The following TEX48 variants were observed in gnomAD, a reference collection of about 807,000 sequenced individuals.
The protein encoded by TEX48 is testis expressed 48, also known as testis-expressed protein 48.
A neutral mutation model predicts 13.2 loss-of-function variants in TEX48; 10 were observed. That is an observed-to-expected ratio of 0.75 (90% CI 0.47 to 1.28). The LOEUF (loss-of-function observed/expected upper bound fraction) is 1.28. Ranked by LOEUF, TEX48 falls within the 50% of genes most tolerant of loss-of-function variation. The pLI, the probability that TEX48 is intolerant of heterozygous loss-of-function variation, is 0.00. For missense variants in TEX48, 116 were observed against 139.4 expected, an observed-to-expected ratio of 0.83 and a Z score of 0.84; for synonymous variants, 45 against 52.3, an observed-to-expected ratio of 0.86 and a Z score of 0.60.
intron 3 of TEX48, among the ~76,000 whole-genome samples, chr9:114,669,013 T>A (rs1228205953): frequency 6.6e-6 from 1 of 151,802 alleles, no homozygotes. Flanking sequence ...ATTTTTAAAT[T>A]TTTTTTTGTA....
intron 1 of TEX48, among the ~76,000 whole-genome samples, chr9:114,672,287 A>G (rs1322000213): frequency 6.6e-6 from 1 of 152,174 alleles, no homozygotes; most frequent in Admixed American, 6.5e-5. Context: ...GGGTAGGTCC[A>G]TGCTTTTTTC....
rs1312260747 is a variant in TEX48 at position 114,666,703 on chromosome 9, G to T, written c.303C>A (p.Asn101Lys). 2 of 1,535,160 alleles carry T rather than the reference G, an allele frequency of 1.3e-6. No homozygotes were observed. Among genetic ancestry groups the T allele is most frequent in the Non-Finnish European group, 1.7e-6 (2 of 1,146,606 alleles). Residue 101 changes from asparagine to lysine, a missense_variant, in exon 5 of 5, where the codon AAC (asparagine) becomes AAA (lysine). Physicochemically the swap from Asn to Lys is moderately conservative, Grantham distance 94. Transcript: ENST00000436752. ...AGTGCTCCTGGCAGTAGCGGTTTAA[G>T]TTTCTCTTGTAAAAATTTCTTTGGG... ...YASQRNFYKR[N>K]LNRYCQEHWP...
At chr9:114,673,959 C>T (rs764944607) in intron 1 of TEX48, among the ~76,000 whole-genome samples, 1 of 151,942 alleles carries the variant, frequency 6.6e-6, no homozygotes, top group Non-Finnish European at 1.5e-5. Flanking sequence ...GTGTGCACCA[C>T]CACACCTGGC....
At chr9:114,674,827 C>T (rs1828032289) in intron 1 of TEX48, among the ~76,000 whole-genome samples, 2 of 147,544 alleles carry the variant, frequency 1.4e-5, no homozygotes, top group Non-Finnish European at 3.0e-5. Context: ...TGCATGCCAC[C>T]ATGTCCAGCA....
intron 1 of TEX48, among the ~76,000 whole-genome samples, chr9:114,678,838 C>CAAAAAAAA (rs34355690): frequency 2.8e-5 from 2 of 70,776 alleles, no homozygotes; most frequent in African/African-American, 9.2e-5. Flanking sequence ...GATCCTGACT[C>CAAAAAAAA]AAAAAAAAAA....
chr9:114,679,446 A>G (rs1308370377), intron 1 of TEX48, among the ~76,000 whole-genome samples: 2 of 152,048 alleles, frequency 1.3e-5, no homozygotes, highest in Admixed American at 1.3e-4. Context: ...AGCTGTCCAT[A>G]TCTGTCTACT....
chr9:114,674,606 C>CTTT, intron 1 of TEX48, among the ~76,000 whole-genome samples: 1 of 17,468 alleles, frequency 5.7e-5, no homozygotes, highest in Non-Finnish European at 1.6e-4. Context: ...TTTTTCTTTC[C>CTTT]TTCCTTCCTT....
At chr9:114,681,606 AC>A (rs1828202016) in intron 1 of TEX48, among the ~76,000 whole-genome samples, 1 of 152,184 alleles carries the variant, frequency 6.6e-6, no homozygotes, top group African/African-American at 2.4e-5. Flanking sequence ...CTTAATAAAT[AC>A]AGATGAAGGT....
chr9:114,678,838 CAAA>C (rs34355690), intron 1 of TEX48, among the ~76,000 whole-genome samples: 4 of 70,746 alleles, frequency 5.7e-5, no homozygotes, highest in Non-Finnish European at 6.2e-5. Flanking sequence ...GATCCTGACT[CAAA>C]AAAAAAAAAA....
chr9:114,666,881 A>C, intron 4 of TEX48, 135 bp from the exon 5 acceptor site: 1 of 593,138 alleles, frequency 1.7e-6, no homozygotes, highest in South Asian at 2.0e-5. Context: ...GGCAGACCCT[A>C]GTCTAGGACT....
At position 114,668,265 on chromosome 9, in the gene TEX48, G is replaced by A. The variant is rs78332732; in HGVS notation, c.200C>T (p.Ser67Leu). 3,860 of 1,535,588 alleles carry A rather than the reference G, an allele frequency of 2.5e-3. 91 individuals are homozygous for A. The African/African-American group carries it at 0.046, about 18-fold the overall frequency. ...KRINAVSHLP[S>L]RTPLIQTKKS... is the part of the protein sequence containing the mutation. ...TTTTGTCTGGATCAGGGGTGTTCTC[G>A]AAGGCAAATGGGAGACTGCGTTAAT... Residue 67 changes from serine (S) to leucine (L), a missense_variant, in exon 4 of 5, where the codon TCG becomes TTG. Coordinates refer to ENST00000436752, the MANE Select transcript of TEX48 (RefSeq NM_001199233.2).
rs1828214405 is a variant in TEX48, at chr9:114,682,111, T to C, written c.-181A>G. On this transcript the variant is annotated 5_prime_UTR_variant, in exon 1 of 5. Coordinates refer to ENST00000436752, the MANE Select transcript of TEX48 (RefSeq NM_001199233.2). ...GAACCAGGGAATGTTGGGGCTGGGATGTTTGGACTGGACCACAACAGCGAG... is the reference window on the plus strand; with the variant it reads ...GAACCAGGGAATGTTGGGGCTGGGACGTTTGGACTGGACCACAACAGCGAG... 1 of 152,174 alleles carries C rather than the reference T, an allele frequency of 6.6e-6. No homozygotes were observed. The highest frequency in any genetic ancestry group is 2.4e-5 in the African/African-American group (1 of 41,334). The allele number at this position is 152,174 out of a possible 1,614,324, so 9.4% of individuals were successfully genotyped here. A position where few individuals can be genotyped will look rare whatever the true frequency, so the allele number is the denominator to read the frequency against.
chr9:114,668,448 A>T, intron 3 of TEX48, 111 bp from the exon 4 acceptor site: 1 of 894,342 alleles, frequency 1.1e-6, no homozygotes, highest in Non-Finnish European at 1.8e-6. Context: ...GGGGGTTATT[A>T]TGGGGTGGGG....
At chr9:114,676,487 TTTC>T (rs1038696920) in intron 1 of TEX48, among the ~76,000 whole-genome samples, 10 of 152,180 alleles carry the variant, frequency 6.6e-5, no homozygotes, top group African/African-American at 1.9e-4. Context: ...TTCTTTTTTT[TTTC>T]TTCATTTATT....
intron 3 of TEX48, among the ~76,000 whole-genome samples, chr9:114,670,309 T>C (rs1481792942): frequency 6.6e-6 from 1 of 152,178 alleles, no homozygotes; most frequent in African/African-American, 2.4e-5. Context: ...AGGTTCCTGA[T>C]TTTTATTGTG....
intron 4 of TEX48, among the ~76,000 whole-genome samples, chr9:114,667,587 G>A (rs1589374836): frequency 6.6e-6 from 1 of 152,208 alleles, no homozygotes; most frequent in East Asian, 1.9e-4. Flanking sequence ...CATCAAGTAA[G>A]CATATGAAAA....
At chr9:114,674,869 G>C (rs2133763713) in intron 1 of TEX48, among the ~76,000 whole-genome samples, 1 of 145,870 alleles carries the variant, frequency 6.9e-6, no homozygotes, top group South Asian at 2.2e-4. Flanking sequence ...TTAAGAGAAG[G>C]GGTCTCACTG....
rs540607002 is a variant in TEX48 at position 114,668,465 on chromosome 9, C to T, written c.128-128G>A. 43 of 709,954 alleles carry T rather than the reference C, an allele frequency of 6.1e-5. No homozygotes were observed. In the East Asian group the frequency reaches 1.1e-3, roughly 18 times the overall value. 44.0% of individuals were successfully genotyped at this position (709,954 alleles called of 1,614,324 possible). A position where few individuals can be genotyped will look rare whatever the true frequency, so the allele number is the denominator to read the frequency against. On this transcript the variant is annotated intron_variant, in intron 3 of 4. Transcript: ENST00000436752. ...GGGTTATTATGGGGTGGGGGTGTAC[C>T]TGAAACTACCACCTCCTGTCCTCTG...
chr9:114,669,925 C>G (rs1034144790), intron 3 of TEX48, among the ~76,000 whole-genome samples: 2 of 152,156 alleles, frequency 1.3e-5, no homozygotes, highest in African/African-American at 4.8e-5. Context: ...GTATATGAGA[C>G]TTTGTCTTTA....
Sources: gnomAD v4.1 joint callset for allele counts (sites outside exome capture counted in the v4.1 genomes callset) on GRCh38, gnomAD v4.1.1 for gene constraint, MANE v1.5 for transcripts, NCBI Gene and HGNC (gene_info 2026-07-23, HGNC 2026-07-21) for gene names.